Variants in KHK observed in about 807,000 individuals in gnomAD.
KHK encodes ketohexokinase.
A neutral mutation model predicts 36.0 loss-of-function variants in KHK; 37 were observed. The observed-to-expected ratio is 1.03, with a 90% CI of 0.79 to 1.35. KHK has a LOEUF of 1.35. Ranked by LOEUF, KHK falls within the 40% of genes most tolerant of loss-of-function variation. The pLI is 0.00. For missense variants in KHK, 395 were observed against 391.9 expected (o/e 1.01, Z -0.07); for synonymous variants, 161 against 162.8 (o/e 0.99, Z 0.08).
At position 27,099,772 on chromosome 2, in the gene KHK, A is replaced by G; in HGVS notation, c.*22A>G. On this transcript the variant is annotated 3_prime_UTR_variant, in exon 8 of 8. Transcript: ENST00000260598. ...GTGAGAGCAGGTGCCGGCTCCTCACACACCATGGAGACTACCATTGCGGCT... is the reference window on the plus strand; with the variant it reads ...GTGAGAGCAGGTGCCGGCTCCTCACGCACCATGGAGACTACCATTGCGGCT... 2.5e-6 allele frequency: 4 copies of G among 1,612,280 alleles called. No individual in the cohort carries two copies. Among genetic ancestry groups the G allele is most frequent in the Non-Finnish European group, 3.4e-6 (4 of 1,179,248 alleles).
rs752967925 is a variant in KHK, at chr2:27,099,303, G to T, written c.653+19G>T. 1.2e-5 allele frequency: 20 copies of T among 1,613,908 alleles called. No homozygotes were observed. In the Admixed American group the frequency reaches 3.0e-4, roughly 24 times the overall value. ...GGAAAGGGTGAGCCGGGGAAGCCAG[G>T]AAGGGGCTTTAGAAGGTACAGGATG... On this transcript the variant is annotated intron_variant, in intron 6 of 7. Coordinates refer to ENST00000260598, the MANE Select transcript of KHK (RefSeq NM_006488.3).
intron 2 of KHK, 119 bp downstream of exon 2, chr2:27,092,567 C>CG (rs1451049906): frequency 1.3e-6 from 1 of 770,174 alleles, no homozygotes; most frequent in Non-Finnish European, 2.2e-6. Context: ...AGCAGAAACG[C>CG]GGGGAGGGGG....
rs766104457 is a variant in KHK at position 27,092,373 on chromosome 2, A to G, written c.134A>G (p.Asn45Ser). The change falls in exon 2 of 8, where the codon AAC becomes AGC. Residue 45 changes from asparagine (N) to serine (S), a missense_variant. Transcript: ENST00000260598. ...TGGCAGCGCGGAGGCAACGCGTCCA[A>G]CTCCTGCACCGTTCTCTCCCTGCTC... ...QRWQRGGNAS[N>S]SCTVLSLLGA... 1.2e-6 allele frequency: 2 copies of G among 1,613,334 alleles called. No homozygotes were observed. Among genetic ancestry groups the G allele is most frequent in the East Asian group, 2.2e-5 (1 of 44,872 alleles).
Position 27,087,210 on chromosome 2 carries a change from C to G in KHK, c.-50C>G, listed in dbSNP as rs1572852067. ...ATCCTCCTGGATAAGAGGCAGAGGCCGGGAGGAACCCCGTCAGCCGGGCGG... is the reference window on the plus strand; with the variant it reads ...ATCCTCCTGGATAAGAGGCAGAGGCGGGGAGGAACCCCGTCAGCCGGGCGG... On this transcript the variant is annotated 5_prime_UTR_variant, in exon 1 of 8. Coordinates refer to ENST00000260598, the MANE Select transcript of KHK (RefSeq NM_006488.3). 6.7e-7 allele frequency: 1 copy of G among 1,485,654 alleles called. No individual in the cohort carries two copies. The allele number at this position is 1,485,654 out of a possible 1,614,324, so 92.0% of individuals were successfully genotyped here.
At chr2:27,088,983 G>A (rs1484006873) in intron 1 of KHK, among the ~76,000 whole-genome samples, 1 of 152,148 alleles carries the variant, frequency 6.6e-6, no homozygotes, top group Admixed American at 6.5e-5. Flanking sequence ...CACTCCTCAG[G>A]CTTTGGGGCC....
Position 27,099,321 on chromosome 2 carries a change from A to C in KHK, c.653+37A>C, listed in dbSNP as rs1184937297. ...AAGCCAGGAAGGGGCTTTAGAAGGTACAGGATGAGCCTGGACTCCAGGAGT... is the reference window on the plus strand; with the variant it reads ...AAGCCAGGAAGGGGCTTTAGAAGGTCCAGGATGAGCCTGGACTCCAGGAGT... On this transcript the variant is annotated intron_variant, in intron 6 of 7. Coordinates refer to ENST00000260598, the MANE Select transcript of KHK (RefSeq NM_006488.3). The C allele has an allele frequency of 2.5e-6, 4 of 1,613,286 alleles. No homozygotes were observed. The African/African-American group carries it at 5.3e-5, about 22-fold the overall frequency.
chr2:27,096,424 G>T (rs990957766), intron 3 of KHK, among the ~76,000 whole-genome samples: 1 of 152,136 alleles, frequency 6.6e-6, no homozygotes, highest in Non-Finnish European at 1.5e-5. Flanking sequence ...GTGTAGGCTT[G>T]GCGCTCTCAG....
rs142728562 is a variant in KHK, at chr2:27,097,636, G to T, written c.551G>T (p.Gly184Val). 2.5e-6 allele frequency: 4 copies of T among 1,613,976 alleles called. No individual in the cohort carries two copies. The highest frequency in any genetic ancestry group is 3.4e-6 in the Non-Finnish European group (4 of 1,180,054). Reference protein sequence around the residue: ...KPREELFQLFGYGDVVFVSKD... With the variant: ...KPREELFQLFVYGDVVFVSKD... ...CGAGAGGAGCTCTTCCAGCTGTTTG[G>T]CTACGGAGACGTGGTGGGTGCCCCA... The change falls in exon 5 of 8, where the codon GGC becomes GTC. Residue 184 changes from glycine to valine, a missense_variant. Coordinates refer to ENST00000260598, the MANE Select transcript of KHK (RefSeq NM_006488.3).
chr2:27,100,695 G>T lies in KHK; in HGVS notation c.*945G>T. On this transcript the variant is annotated 3_prime_UTR_variant, in exon 8 of 8. Coordinates refer to ENST00000260598, the MANE Select transcript of KHK (RefSeq NM_006488.3). ...TCATCTGTCAAATGGAACCAATTCT[G>T]CTTGGCTACAGAATTATTGTGAGGA... The T allele has an allele frequency of 9.1e-7, 1 of 1,098,574 alleles. No homozygotes were observed. The highest frequency in any genetic ancestry group is 1.2e-6 in the Non-Finnish European group (1 of 855,722). The allele number at this position is 1,098,574 out of a possible 1,614,324, so 68.1% of individuals were successfully genotyped here.
chr2:27,094,440 C>T (rs1385202649), intron 2 of KHK: 2 of 1,610,540 alleles, frequency 1.2e-6, no homozygotes, highest in South Asian at 1.1e-5. Context: ...AAACCCTTGT[C>T]GAACTGCACC....
In KHK at chr2:27,100,372, C is replaced by T. The variant is rs762163233; in HGVS notation, c.*622C>T. 4.9e-6 allele frequency: 6 copies of T among 1,219,724 alleles called. No homozygotes were observed. Among genetic ancestry groups the T allele is most frequent in the South Asian group, 1.3e-5 (1 of 79,454 alleles). The allele number at this position is 1,219,724 out of a possible 1,614,324, so 75.6% of individuals were successfully genotyped here. On this transcript the variant is annotated 3_prime_UTR_variant, in exon 8 of 8. Coordinates refer to ENST00000260598, the MANE Select transcript of KHK (RefSeq NM_006488.3). Reference sequence around the variant, plus strand: ...TTCATTGTCCAGAAATACCTCCTCCCGCTGACTGCCCCAGAGCCTGAAAGT... The same window carrying T: ...TTCATTGTCCAGAAATACCTCCTCCTGCTGACTGCCCCAGAGCCTGAAAGT...
In KHK at chr2:27,099,876, TCTGC is replaced by T; in HGVS notation, c.*130_*133del. 1 of 1,547,488 alleles carries T rather than the reference TCTGC, an allele frequency of 6.5e-7. No homozygotes were observed. The highest frequency in any genetic ancestry group is 8.7e-7 in the Non-Finnish European group (1 of 1,144,800). On this transcript the variant is annotated 3_prime_UTR_variant, in exon 8 of 8. Transcript: ENST00000260598. ...GACAGATGCAAGCTGTGGGGAGGAC[TCTGC>T]CTGTGTCCTGTGTTCCCCACAGGGA...
In KHK at chr2:27,092,439, A is replaced by G. The variant is rs928432932; in HGVS notation, c.200A>G (p.His67Arg). 1 of 1,612,352 alleles carries G rather than the reference A, an allele frequency of 6.2e-7. No individual in the cohort carries two copies. Residue 67 changes from histidine (H) to arginine (R), a missense_variant, in exon 2 of 8, where the codon CAT becomes CGT. Transcript: ENST00000260598. ...TTCATGGGCTCAATGGCTCCTGGCCATGTTGCTGAGTAAGTCCAGGAGGGA... is the reference window on the plus strand; with the variant it reads ...TTCATGGGCTCAATGGCTCCTGGCCGTGTTGCTGAGTAAGTCCAGGAGGGA... ...CAFMGSMAPGHVADFLVADFR... is the reference protein window; with the variant it reads ...CAFMGSMAPGRVADFLVADFR...
At position 27,100,611 on chromosome 2, in the gene KHK, T is replaced by C; in HGVS notation, c.*861T>C. 5 of 1,208,532 alleles carry C rather than the reference T, an allele frequency of 4.1e-6. No individual in the cohort carries two copies. Among genetic ancestry groups the C allele is most frequent in the Non-Finnish European group, 5.4e-6 (5 of 919,998 alleles). The allele number at this position is 1,208,532 out of a possible 1,614,324, so 74.9% of individuals were successfully genotyped here. ...GACAGACCTGGATTAAAATCTGCCA[T>C]TTAATTAGCTGCATATCACCTTAGG... On this transcript the variant is annotated 3_prime_UTR_variant, in exon 8 of 8. Coordinates refer to ENST00000260598, the MANE Select transcript of KHK (RefSeq NM_006488.3).
chr2:27,089,311 C>T lies in KHK; in HGVS notation c.92+1960C>T, dbSNP rs151332127. On this transcript the variant is annotated intron_variant, in intron 1 of 7. Transcript: ENST00000260598. ...GGGTGCAGGGACTGGGGAAGGGGCACGGGCATGCCACTGTGTAGACCTAAC... is the reference window on the plus strand; with the variant it reads ...GGGTGCAGGGACTGGGGAAGGGGCATGGGCATGCCACTGTGTAGACCTAAC... 1.7e-3 allele frequency among the ~76,000 whole-genome samples: 263 copies of T among 152,220 alleles called. 2 individuals carry two copies. Among genetic ancestry groups the T allele is most frequent in the African/African-American group, 5.9e-3 (247 of 41,530 alleles).
chr2:27,097,084 C>T (rs956754907), intron 4 of KHK, among the ~76,000 whole-genome samples: 11 of 152,220 alleles, frequency 7.2e-5, no homozygotes, highest in African/African-American at 2.7e-4. Flanking sequence ...CCAACTCTGC[C>T]TCTGGCGGAT....
At position 27,100,183 on chromosome 2, in the gene KHK, T is replaced by G; in HGVS notation, c.*433T>G. ...CTCGGTGCCCCACACCCAGTGAACC[T>G]GCCAAAGAAACCGTGAGAGCTCTTC... On this transcript the variant is annotated 3_prime_UTR_variant, in exon 8 of 8. Coordinates refer to ENST00000260598, the MANE Select transcript of KHK (RefSeq NM_006488.3). The G allele has an allele frequency of 2.2e-6, 1 of 457,448 alleles. No individual in the cohort carries two copies. 28.3% of individuals were successfully genotyped at this position (457,448 alleles called of 1,614,324 possible). A position where few individuals can be genotyped will look rare whatever the true frequency, so the allele number is the denominator to read the frequency against.
At position 27,087,062 on chromosome 2, in the gene KHK, C is replaced by T. The variant is rs1669699927; in HGVS notation, c.-198C>T. On this transcript the variant is annotated 5_prime_UTR_variant, in exon 1 of 8. Coordinates refer to ENST00000260598, the MANE Select transcript of KHK (RefSeq NM_006488.3). ...GCTTTCCTAGACCCGCTCGGGTCTT[C>T]GGGTGTCGCGAGGAAGGGCCCTGCT... 1.8e-6 allele frequency: 1 copy of T among 541,166 alleles called. No individual in the cohort carries two copies. Among genetic ancestry groups the T allele is most frequent in the Admixed American group, 3.2e-5 (1 of 31,584 alleles). The allele number at this position is 541,166 out of a possible 1,614,324, so 33.5% of individuals were successfully genotyped here.
chr2:27,099,778 T>C lies in KHK; in HGVS notation c.*28T>C, dbSNP rs745543858. Reference sequence around the variant, plus strand: ...GCAGGTGCCGGCTCCTCACACACCATGGAGACTACCATTGCGGCTGCATCG... The same window carrying C: ...GCAGGTGCCGGCTCCTCACACACCACGGAGACTACCATTGCGGCTGCATCG... On this transcript the variant is annotated 3_prime_UTR_variant, in exon 8 of 8. Coordinates refer to ENST00000260598, the MANE Select transcript of KHK (RefSeq NM_006488.3). 44 of 1,610,926 alleles carry C rather than the reference T, an allele frequency of 2.7e-5. No individual in the cohort carries two copies. The highest frequency in any genetic ancestry group is 5.0e-5 in the Admixed American group (3 of 59,610).
Sources: allele counts gnomAD v4.1 joint callset (sites outside exome capture counted in the v4.1 genomes callset), GRCh38; gene constraint gnomAD v4.1.1; transcripts MANE v1.5; gene names NCBI Gene and HGNC (gene_info 2026-07-23, HGNC 2026-07-21).